RSPO4: variants seen among roughly 807,000 people sequenced by gnomAD.
RSPO4 encodes R-spondin-4.
RSPO4 carries 23 observed loss-of-function variants against 24.8 expected under a neutral mutation model. The ratio of observed to expected loss-of-function variants is 0.93; its 90% CI spans 0.67 to 1.31. The LOEUF is 1.31. Ranked by LOEUF, RSPO4 falls within the 40% of genes most tolerant of loss-of-function variation. The probability of loss-of-function intolerance (pLI) is 0.00; values close to 1 mark genes in which losing one functional copy is unlikely to be tolerated. For missense variants in RSPO4, 333 were observed against 316.5 expected (o/e 1.05, Z -0.39); for synonymous variants, 141 against 127.4 (o/e 1.11, Z -0.72).
At chr20:974,092 A>G (rs1407832262) in intron 1 of RSPO4, among the ~76,000 whole-genome samples, 1 of 152,244 alleles carries the variant, frequency 6.6e-6, no homozygotes, top group Non-Finnish European at 1.5e-5. Context: ...AAGAGTCTGT[A>G]GAGTGCTGCT....
intron 2 of RSPO4, among the ~76,000 whole-genome samples, 158 bp from the exon 3 acceptor site, chr20:967,472 A>C (rs1254025268): frequency 6.6e-6 from 1 of 152,212 alleles, no homozygotes; most frequent in Non-Finnish European, 1.5e-5. Flanking sequence ...GGCCAAGGTC[A>C]AACTGGGCTG....
chr20:1,000,368 C>G (rs1019212334), intron 1 of RSPO4, among the ~76,000 whole-genome samples: 1 of 152,184 alleles, frequency 6.6e-6, no homozygotes, highest in African/African-American at 2.4e-5. Flanking sequence ...AGCATCTCTC[C>G]CCTCCCTCCA....
At chr20:990,202 T>C (rs2046924481) in intron 1 of RSPO4, among the ~76,000 whole-genome samples, 2 of 152,050 alleles carry the variant, frequency 1.3e-5, no homozygotes, top group South Asian at 2.1e-4. Flanking sequence ...GGCCGACAAA[T>C]GCTATTTAAA....
chr20:960,354 C>A lies in RSPO4; in HGVS notation c.*3G>T. On this transcript the variant is annotated 3_prime_UTR_variant, in exon 5 of 5. Coordinates refer to ENST00000217260, the MANE Select transcript of RSPO4 (RefSeq NM_001029871.4). ...AGGACCAGAGAGTCGGGAGAGCCGG[C>A]GGTCAGGGCTGCAGGCCGGGCTGGC... The A allele has an allele frequency of 6.5e-7, 1 of 1,533,124 alleles. No homozygotes were observed. Among genetic ancestry groups the A allele is most frequent in the East Asian group, 2.4e-5 (1 of 40,876 alleles). The allele number at this position is 1,533,124 out of a possible 1,614,324, so 95.0% of individuals were successfully genotyped here.
chr20:1,001,424 T>C (rs879305274), intron 1 of RSPO4, among the ~76,000 whole-genome samples: 4 of 152,202 alleles, frequency 2.6e-5, no homozygotes, highest in Non-Finnish European at 5.9e-5. Flanking sequence ...ATGCGGCCCC[T>C]GGTACATTTA....
intron 1 of RSPO4, among the ~76,000 whole-genome samples, chr20:976,381 C>A (rs545665564): frequency 6.6e-6 from 1 of 152,162 alleles, no homozygotes; most frequent in Non-Finnish European, 1.5e-5. Flanking sequence ...GTGCTCAGGG[C>A]AGAGATACTA....
intron 1 of RSPO4, among the ~76,000 whole-genome samples, chr20:992,889 C>T (rs1466556926): frequency 1.3e-5 from 2 of 152,216 alleles, no homozygotes; most frequent in Admixed American, 6.5e-5. Flanking sequence ...GAGAGATGAC[C>T]TGCCCAAGGT....
chr20:978,808 A>G (rs983535786), intron 1 of RSPO4, among the ~76,000 whole-genome samples: 1 of 152,042 alleles, frequency 6.6e-6, no homozygotes, highest in Non-Finnish European at 1.5e-5. Context: ...GGTTTCTAAG[A>G]GAGGTGAGTA....
rs901119967 is a variant in RSPO4 at position 1,001,940 on chromosome 20, G to C, written c.79+146C>G. ...TGGAGCCTCAATCTCCCCATCTTAA[G>C]TGAGGTTGAGACTCGTCTGGAGGAG... On this transcript the variant is annotated intron_variant, in intron 1 of 4. Transcript: ENST00000217260. 6.0e-5 allele frequency: 40 copies of C among 664,790 alleles called. No individual in the cohort carries two copies. In the African/African-American group the frequency reaches 6.7e-4, roughly 11 times the overall value. 41.2% of individuals were successfully genotyped at this position (664,790 alleles called of 1,614,324 possible). A position where few individuals can be genotyped will look rare whatever the true frequency, so the allele number is the denominator to read the frequency against.
chr20:985,382 C>A (rs565986459), intron 1 of RSPO4, among the ~76,000 whole-genome samples: 1 of 152,182 alleles, frequency 6.6e-6, no homozygotes, highest in African/African-American at 2.4e-5. Flanking sequence ...TCTTGAATAT[C>A]ATCTATGTGC....
At chr20:988,915 C>T (rs1367530632) in intron 1 of RSPO4, among the ~76,000 whole-genome samples, 1 of 152,166 alleles carries the variant, frequency 6.6e-6, no homozygotes, top group Non-Finnish European at 1.5e-5. Flanking sequence ...ACAGCCTCCT[C>T]CATAAATGCC....
At chr20:969,761 G>A (rs1461005080) in intron 1 of RSPO4, among the ~76,000 whole-genome samples, 2 of 151,534 alleles carry the variant, frequency 1.3e-5, no homozygotes, top group South Asian at 2.1e-4. Context: ...TAGGAGGTGG[G>A]GGAGAGTCAG....
Position 1,000,540 on chromosome 20 carries a change from G to C in RSPO4, c.79+1546C>G, listed in dbSNP as rs187602110. Among the ~76,000 whole-genome samples, 5 of 152,302 alleles carry C rather than the reference G, an allele frequency of 3.3e-5. No individual in the cohort carries two copies. The East Asian group carries it at 9.6e-4, about 29-fold the overall frequency. On this transcript the variant is annotated intron_variant, in intron 1 of 4. Coordinates refer to ENST00000217260, the MANE Select transcript of RSPO4 (RefSeq NM_001029871.4). The stretch of plus-strand genomic sequence containing the variant: ...AAAAGATGGGTTGATGAAGGGAAAG[G>C]GGGTTTGTTTGATTTTTTGGTATTG...
chr20:977,481 C>T (rs1984601155), intron 1 of RSPO4, among the ~76,000 whole-genome samples: 1 of 152,192 alleles, frequency 6.6e-6, no homozygotes, highest in African/African-American at 2.4e-5. Context: ...CCTGGCAGGG[C>T]TGACAGTCAA....
intron 1 of RSPO4, among the ~76,000 whole-genome samples, chr20:986,773 G>A (rs1984936456): frequency 6.6e-6 from 1 of 152,020 alleles, no homozygotes; most frequent in Admixed American, 6.6e-5. Flanking sequence ...TACACAACGA[G>A]CTCCTATAAA....
rs923202271 is a variant in RSPO4 at position 992,670 on chromosome 20, G to A, written c.79+9416C>T. Reference sequence around the variant, plus strand: ...CCCCATTGTATTGACAGACAACATCGAGATTCAGGAGTCAAATACTGTCAC... The same window carrying A: ...CCCCATTGTATTGACAGACAACATCAAGATTCAGGAGTCAAATACTGTCAC... On this transcript the variant is annotated intron_variant, in intron 1 of 4. Transcript: ENST00000217260. Among the ~76,000 whole-genome samples the A allele has an allele frequency of 1.7e-4, 26 of 152,152 alleles. No individual in the cohort carries two copies. The East Asian group carries it at 4.4e-3, about 26-fold the overall frequency.
intron 3 of RSPO4, among the ~76,000 whole-genome samples, chr20:964,835 T>C (rs202141989): frequency 0.21 from 26,289 of 125,374 alleles, 3,941 homozygotes; most frequent in African/African-American, 0.55. Context: ...CACACACATA[T>C]ATATATATAT....
chr20:984,425 G>A (rs34897186), intron 1 of RSPO4, among the ~76,000 whole-genome samples: 18,185 of 152,176 alleles, frequency 0.12, 2,418 homozygotes, highest in African/African-American at 0.33. Context: ...AGGAAAGGGG[G>A]CCAGGTCTAA....
chr20:977,519 AC>A (rs1984602620), intron 1 of RSPO4, among the ~76,000 whole-genome samples: 2 of 151,962 alleles, frequency 1.3e-5, no homozygotes, highest in African/African-American at 4.8e-5. Context: ...CACTGTTACT[AC>A]CATTATTATC....
Sources: gnomAD v4.1 joint callset for allele counts (sites outside exome capture counted in the v4.1 genomes callset) on GRCh38, gnomAD v4.1.1 for gene constraint, MANE v1.5 for transcripts, NCBI Gene and HGNC (gene_info 2026-07-23, HGNC 2026-07-21) for gene names.